LAMA2: variants seen among roughly 807,000 people sequenced by gnomAD.
The protein encoded by LAMA2 is laminin subunit alpha 2, also known as laminin subunit alpha-2.
Under a neutral mutation model 364.8 loss-of-function variants are expected in LAMA2, and 269 were observed. The ratio of observed to expected loss-of-function variants is 0.74; its 90% confidence interval spans 0.67 to 0.82. The LOEUF (loss-of-function observed/expected upper bound fraction) is 0.82. LAMA2 is among the 40% of genes least tolerant of loss of function. LAMA2 has a pLI of 0.00. For synonymous variants in LAMA2, 1,379 were observed against 1,370.6 expected (o/e 1.01, Z -0.14); for missense variants, 3,807 against 3,873.2 (o/e 0.98, Z 0.45).
intron 3 of LAMA2, among the ~76,000 whole-genome samples, chr6:129,064,590 A>T (rs1789167900): frequency 6.6e-6 from 1 of 152,058 alleles, no homozygotes; most frequent in African/African-American, 2.4e-5. Context: ...GAAAGAGGAG[A>T]CATTACTACT....
chr6:129,306,574 C>G (rs898230294), intron 22 of LAMA2, among the ~76,000 whole-genome samples: 2 of 151,378 alleles, frequency 1.3e-5, no homozygotes, highest in East Asian at 3.9e-4. Context: ...TTCTTATTGT[C>G]TCTTTCTGGA....
At chr6:128,939,933 C>T (rs1044821411) in intron 1 of LAMA2, among the ~76,000 whole-genome samples, 6 of 152,120 alleles carry the variant, frequency 3.9e-5, no homozygotes, top group Admixed American at 2.6e-4. Context: ...CCCATCTGAT[C>T]CCTTCACGGC....
chr6:129,091,107 A>G (rs528566748), intron 3 of LAMA2, among the ~76,000 whole-genome samples: 2 of 152,346 alleles, frequency 1.3e-5, no homozygotes, highest in South Asian at 4.1e-4. Flanking sequence ...TTTTCATGAA[A>G]AAATGAAATT....
rs1334987391 is a variant in LAMA2, at chr6:129,369,811, A to G, written c.4861-81A>G. 1.1e-5 allele frequency: 13 copies of G among 1,197,422 alleles called. No homozygotes were observed. In the East Asian group the frequency reaches 2.6e-4, roughly 24 times the overall value. The allele number at this position is 1,197,422 out of a possible 1,614,324, so 74.2% of individuals were successfully genotyped here. A position where few individuals can be genotyped will look rare whatever the true frequency, so the allele number is the denominator to read the frequency against. On this transcript the variant is annotated intron_variant, in intron 33 of 64. Coordinates refer to ENST00000421865, the MANE Select transcript of LAMA2 (RefSeq NM_000426.4). ...AAGGTGAGAAGGCTAAGTTCCTTTT[A>G]TATACAAAAATGTGTTCTGTCGAAC... is the stretch of plus-strand genomic sequence containing the variant.
Position 129,190,225 on chromosome 6 carries a change from CTG to C in LAMA2, c.1490_1491del (p.Cys497Ter). 1 of 1,613,588 alleles carries C rather than the reference CTG, an allele frequency of 6.2e-7. No individual in the cohort carries two copies. Among genetic ancestry groups the C allele is most frequent in the Non-Finnish European group, 8.5e-7 (1 of 1,179,546 alleles). Reference protein sequence around the residue: ...ICKENVEGGDCSRCKSGFFNL... With the variant: ...ICKENVEGGDXSRCKSGFFNL... ...TGCAGGAAAATGTTGAAGGAGGAGACTGTAGTCGTTGCAAATCCGGCTTCTTC... is the reference window on the plus strand; with the variant it reads ...TGCAGGAAAATGTTGAAGGAGGAGACTAGTCGTTGCAAATCCGGCTTCTTC... On this transcript the variant is annotated frameshift_variant, in exon 11 of 65. Transcript: ENST00000421865. LOFTEE classifies it high-confidence loss of function.
chr6:129,192,436 T>G (rs1382742042), intron 11 of LAMA2, among the ~76,000 whole-genome samples: 7 of 152,136 alleles, frequency 4.6e-5, no homozygotes, highest in Non-Finnish European at 1.5e-5. Context: ...TGAAAACAGA[T>G]TATTATAGAA....
rs778539477 is a variant in LAMA2 at position 129,486,472 on chromosome 6, A to G, written c.7750-2A>G. 6.2e-7 allele frequency: 1 copy of G among 1,613,222 alleles called. No homozygotes were observed. Among genetic ancestry groups the G allele is most frequent in the Non-Finnish European group, 8.5e-7 (1 of 1,179,266 alleles). On this transcript the variant is annotated splice_acceptor_variant, in intron 55 of 64. Transcript: ENST00000421865. LOFTEE classifies it high-confidence loss of function. ...ATCTTCAATAACCACTTGCTGTTGC[A>G]GGCCTATTATGCAATACTCCTCAAC...
chr6:128,985,089 T>G (rs1258855593), intron 1 of LAMA2, among the ~76,000 whole-genome samples: 1 of 152,168 alleles, frequency 6.6e-6, no homozygotes, highest in Non-Finnish European at 1.5e-5. Flanking sequence ...AAAAACTCTT[T>G]TCATAGACTG....
intron 49 of LAMA2, 55 bp downstream of exon 49, chr6:129,460,379 G>A (rs542247126): frequency 1.7e-5 from 26 of 1,539,688 alleles, no homozygotes; most frequent in African/African-American, 4.1e-5. Flanking sequence ...TAAAAGCTTC[G>A]ATTTTATTGC....
intron 1 of LAMA2, among the ~76,000 whole-genome samples, chr6:128,982,839 C>T (rs1411292076): frequency 6.8e-6 from 1 of 147,472 alleles, no homozygotes; most frequent in Admixed American, 6.8e-5. Context: ...TCAATTCCCA[C>T]CTATGAGTGA....
At chr6:128,913,420 A>G (rs1778110111) in intron 1 of LAMA2, among the ~76,000 whole-genome samples, 1 of 152,114 alleles carries the variant, frequency 6.6e-6, no homozygotes, top group Non-Finnish European at 1.5e-5. Flanking sequence ...AGTTTCACTA[A>G]CTCCTCAGGC....
At chr6:128,937,728 A>G (rs1435306417) in intron 1 of LAMA2, among the ~76,000 whole-genome samples, 1 of 151,734 alleles carries the variant, frequency 6.6e-6, no homozygotes, top group Admixed American at 6.6e-5. Context: ...TTTATCTTTA[A>G]AAAAACAATT....
intron 52 of LAMA2, among the ~76,000 whole-genome samples, chr6:129,474,433 ATAAATT>A (rs375868465): frequency 2.0e-5 from 3 of 152,270 alleles, no homozygotes; most frequent in East Asian, 1.9e-4. Flanking sequence ...TGTTAGAAAA[ATAAATT>A]TAAAGTGTCA....
In LAMA2 at chr6:129,384,217, T is replaced by C. The variant is rs1016575938; in HGVS notation, c.5071+984T>C. Among the ~76,000 whole-genome samples, 8 of 152,306 alleles carry C rather than the reference T, an allele frequency of 5.3e-5. No individual in the cohort carries two copies. The South Asian group carries it at 1.7e-3, about 32-fold the overall frequency. The stretch of plus-strand genomic sequence containing the variant: ...AAAAATCTCAGTTAATTCATTGTGG[T>C]TTATCCTCTGCTAGATGAAGCTGTT... On this transcript the variant is annotated intron_variant, in intron 35 of 64. Transcript: ENST00000421865.
At chr6:129,513,290 T>C (rs563309112) in intron 63 of LAMA2, among the ~76,000 whole-genome samples, 15 of 152,230 alleles carry the variant, frequency 9.9e-5, no homozygotes, top group Non-Finnish European at 1.6e-4. Context: ...AAAGGTAATA[T>C]AGGAAAAAAG....
At chr6:129,088,999 AC>A (rs71028147) in intron 3 of LAMA2, among the ~76,000 whole-genome samples, 73,893 of 151,982 alleles carry the variant, frequency 0.49, 20,817 homozygotes, top group East Asian at 0.82. Context: ...CCGAGATCAC[AC>A]CACTGCACTC....
At position 129,091,605 on chromosome 6, in the gene LAMA2, A is replaced by G. The variant is rs1485848390; in HGVS notation, c.397-6568A>G. On this transcript the variant is annotated intron_variant, in intron 3 of 64. Coordinates refer to ENST00000421865, the MANE Select transcript of LAMA2 (RefSeq NM_000426.4). ...AGGTTGGATAAGTGGGTTGCACTTA[A>G]TAATTCAGTGACAATTACAAATCGT... Among the ~76,000 whole-genome samples, 9 of 152,330 alleles carry G rather than the reference A, an allele frequency of 5.9e-5. No homozygotes were observed. In the East Asian group the frequency reaches 1.7e-3, roughly 29 times the overall value.
rs1263462208 is a variant in LAMA2 at position 129,481,360 on chromosome 6, AGAATGAGTCCGGCATCATTCTTTTGG to A, written c.7674_7699del (p.Asn2558LysfsTer9). 6.2e-7 allele frequency: 1 copy of A among 1,613,798 alleles called. No individual in the cohort carries two copies. The highest frequency in any genetic ancestry group is 1.1e-5 in the South Asian group (1 of 91,086). On this transcript the variant is annotated frameshift_variant, in exon 55 of 65. Transcript: ENST00000421865. LOFTEE classifies it high-confidence loss of function. Reference sequence around the variant, plus strand: ...GAAATCAACCTGTCATTCAGCACCAAGAATGAGTCCGGCATCATTCTTTTGGGAAGTGGAGGGACACCAGCACCACC... The same window carrying A: ...GAAATCAACCTGTCATTCAGCACCAAGAAGTGGAGGGACACCAGCACCACC...
At chr6:128,971,767 C>T (rs1782201380) in intron 1 of LAMA2, among the ~76,000 whole-genome samples, 1 of 152,132 alleles carries the variant, frequency 6.6e-6, no homozygotes, top group East Asian at 1.9e-4. Flanking sequence ...AAAATTGCAC[C>T]ACAGAAAGAG....
Sources: allele counts gnomAD v4.1 joint callset (sites outside exome capture counted in the v4.1 genomes callset), GRCh38; gene constraint gnomAD v4.1.1; transcripts MANE v1.5; gene names NCBI Gene and HGNC (gene_info 2026-07-23, HGNC 2026-07-21).